The following HERC1 variants were observed in gnomAD, a reference collection of about 807,000 sequenced individuals.
HERC1 encodes probable E3 ubiquitin-protein ligase HERC1.
Under a neutral mutation model 554.3 loss-of-function variants are expected in HERC1, and 160 were observed. That is an observed-to-expected ratio of 0.29 (90% CI 0.25 to 0.33). The LOEUF is 0.33. Ranked by LOEUF, HERC1 falls within the 10% of genes least tolerant of loss-of-function variation. The pLI is 1.00. For synonymous variants in HERC1, 2,175 were observed against 2,131.7 expected, an observed-to-expected ratio of 1.02 and a Z score of -0.56; for missense variants, 4,919 against 5,918.5, an observed-to-expected ratio of 0.83 and a Z score of 5.54.
At position 63,756,335 on chromosome 15, in the gene HERC1, G is replaced by T; in HGVS notation, c.1533+102C>A. The T allele has an allele frequency of 1.1e-6, 1 of 928,050 alleles. No homozygotes were observed. Among genetic ancestry groups the T allele is most frequent in the South Asian group, 1.6e-5 (1 of 61,614 alleles). 57.5% of individuals were successfully genotyped at this position (928,050 alleles called of 1,614,324 possible). On this transcript the variant is annotated intron_variant, in intron 5 of 77. Coordinates refer to ENST00000443617, the MANE Select transcript of HERC1 (RefSeq NM_003922.4). This position sits in a 1 kb window ranked among gnomAD's most constrained non-coding sequence, Gnocchi z 5.0. The stretch of plus-strand genomic sequence containing the variant: ...ATACAAAAGATTAAGCCAAAGGGTT[G>T]AAGGGGCAACTGCAGAAAGAACACA...
chr15:63,672,790 T>C (rs2071002416), intron 38 of HERC1, 96 bp from the exon 39 acceptor site: 1 of 772,580 alleles, frequency 1.3e-6, no homozygotes. Context: ...AATTTAAAAG[T>C]TTCTAAATAT....
chr15:63,750,535 T>C (rs1027050622), intron 8 of HERC1, among the ~76,000 whole-genome samples: 2 of 152,338 alleles, frequency 1.3e-5, no homozygotes, highest in South Asian at 2.1e-4. Context: ...GGTAAGATTA[T>C]ATAGATTCTT....
At position 63,658,549 on chromosome 15, in the gene HERC1, T is replaced by C; in HGVS notation, c.9594A>G (p.Ser3198=). 2 of 1,609,250 alleles carry C rather than the reference T, an allele frequency of 1.2e-6. No homozygotes were observed. The highest frequency in any genetic ancestry group is 1.7e-6 in the Non-Finnish European group (2 of 1,176,908). ...TMVMRALSLL[S]VSGSSCSLAA... is the part of the protein sequence containing the mutation. Reference sequence around the variant, plus strand: ...TGACATAAAATAACACTTACCTGACTGAGAGAAGAGACAGCGCTCTCATGA... The same window carrying C: ...TGACATAAAATAACACTTACCTGACCGAGAGAAGAGACAGCGCTCTCATGA... Residue 3198 remains serine (S), a synonymous_variant, in exon 48 of 78, where the codon TCA becomes TCG. Coordinates refer to ENST00000443617, the MANE Select transcript of HERC1 (RefSeq NM_003922.4).
At chr15:63,804,413 C>T (rs1349493809) in intron 1 of HERC1, among the ~76,000 whole-genome samples, 1 of 151,876 alleles carries the variant, frequency 6.6e-6, no homozygotes, top group Non-Finnish European at 1.5e-5. Flanking sequence ...TGGTGAAACC[C>T]GTCTCTACTA....
Position 63,669,709 on chromosome 15 carries a change from A to G in HERC1, c.8046-11T>C, listed in dbSNP as rs1309981814. 1.2e-6 allele frequency: 2 copies of G among 1,610,556 alleles called. No individual in the cohort carries two copies. The highest frequency in any genetic ancestry group is 1.7e-6 in the Non-Finnish European group (2 of 1,177,276). ...CTAGAGAACATTTGCCTTTAAGAAA[A>G]TAACAGTGGTTAGCATAAAAATCCA... is the stretch of plus-strand genomic sequence containing the variant. On this transcript the variant is annotated splice_polypyrimidine_tract_variant and intron_variant, in intron 39 of 77. Transcript: ENST00000443617.
At chr15:63,724,909 C>A (rs905151105) in intron 18 of HERC1, among the ~76,000 whole-genome samples, 2 of 152,224 alleles carry the variant, frequency 1.3e-5, no homozygotes, top group Non-Finnish European at 1.5e-5. Flanking sequence ...CTGCCACTCA[C>A]ATCTCAGGGG....
At chr15:63,626,271 C>T in intron 70 of HERC1, 117 bp from the exon 71 acceptor site, 1 of 926,390 alleles carries the variant, frequency 1.1e-6, no homozygotes, top group Non-Finnish European at 1.6e-6. Context: ...GACACCCATT[C>T]AAACCTCTAT....
chr15:63,826,842 T>TATAA (rs1555455013), intron 1 of HERC1, among the ~76,000 whole-genome samples: 2 of 102,016 alleles, frequency 2.0e-5, no homozygotes, highest in African/African-American at 3.4e-5. Flanking sequence ...TATATATATA[T>TATAA]AAAGTATGAC....
At position 63,678,044 on chromosome 15, in the gene HERC1, G is replaced by T. The variant is rs1462733770; in HGVS notation, c.6871C>A (p.Leu2291Ile). 1.2e-6 allele frequency: 2 copies of T among 1,613,994 alleles called. No individual in the cohort carries two copies. Among genetic ancestry groups the T allele is most frequent in the South Asian group, 2.2e-5 (2 of 91,080 alleles). ...GKHTRHGLAD[L>I]SELQLRTLCI... ...AGAGTCCTCAGCTGCAGCTCTGAGA[G>T]GTCAGCGAGGCCATGCCTAGTATGT... The change falls in exon 37 of 78, where the codon CTC becomes ATC. Residue 2291 changes from leucine (L) to isoleucine (I), a missense_variant. This residue lies in a region of HERC1 where 1,963 missense variants were observed against 2,228.6 expected (regional missense o/e 0.88). Coordinates refer to ENST00000443617, the MANE Select transcript of HERC1 (RefSeq NM_003922.4).
intron 23 of HERC1, among the ~76,000 whole-genome samples, 191 bp from the exon 24 acceptor site, chr15:63,713,086 CA>C (rs1567042252): frequency 6.6e-6 from 1 of 152,220 alleles, no homozygotes; most frequent in Non-Finnish European, 1.5e-5. Flanking sequence ...AACTACAGAG[CA>C]ATGCAAGTAA....
At position 63,718,638 on chromosome 15, in the gene HERC1, C is replaced by T; in HGVS notation, c.3914G>A (p.Ser1305Asn). The T allele has an allele frequency of 6.3e-7, 1 of 1,595,096 alleles. No homozygotes were observed. Among genetic ancestry groups the T allele is most frequent in the Non-Finnish European group, 8.6e-7 (1 of 1,169,058 alleles). ...EVYRCVYKVR[S>N]RLLACKNLEL... is the part of the protein sequence containing the mutation. ...AAGGTTCTTGCAAGCAAGTAAACGA[C>T]TTCGAACTTTGTATACACAACGGTA... Residue 1305 changes from serine to asparagine, a missense_variant, in exon 21 of 78, where the codon AGT (serine) becomes AAT (asparagine). Physicochemically the swap from Ser to Asn is conservative, Grantham distance 46. This residue lies in a region of HERC1 where 1,121 missense variants were observed against 1,244.0 expected (regional missense o/e 0.90). Transcript: ENST00000443617. This position sits in a 1 kb window ranked among gnomAD's most constrained non-coding sequence, Gnocchi z 4.2.
intron 71 of HERC1, among the ~76,000 whole-genome samples, chr15:63,625,310 C>G (rs1160772552): frequency 6.6e-6 from 1 of 152,168 alleles, no homozygotes; most frequent in African/African-American, 2.4e-5. Context: ...TGTAACAACC[C>G]TGACTGTGGT....
At chr15:63,806,940 G>C (rs1567147335) in intron 1 of HERC1, among the ~76,000 whole-genome samples, 1 of 152,026 alleles carries the variant, frequency 6.6e-6, no homozygotes, top group African/African-American at 2.4e-5. Flanking sequence ...TAGAGACAGG[G>C]TTTCACCATG....
intron 2 of HERC1, among the ~76,000 whole-genome samples, chr15:63,767,555 G>C (rs76226628): frequency 1.3e-5 from 2 of 152,002 alleles, no homozygotes; most frequent in Admixed American, 1.3e-4. Flanking sequence ...AATTTTAGCC[G>C]GGCGTGGTGG....
In HERC1 at chr15:63,638,705, A is replaced by G. The variant is rs1305839581; in HGVS notation, c.11967+6T>C. ...CCATCATACAGTTATCTTCATCTTT[A>G]CTGACCTCAGGTCTGGAAGTTGCCC... On this transcript the variant is annotated splice_donor_region_variant and intron_variant, in intron 62 of 77. Coordinates refer to ENST00000443617, the MANE Select transcript of HERC1 (RefSeq NM_003922.4). The G allele has an allele frequency of 6.8e-6, 11 of 1,609,452 alleles. No homozygotes were observed. Among genetic ancestry groups the G allele is most frequent in the Non-Finnish European group, 9.4e-6 (11 of 1,175,876 alleles).
At position 63,718,856 on chromosome 15, in the gene HERC1, T is replaced by C; in HGVS notation, c.3784A>G (p.Thr1262Ala). The stretch of plus-strand genomic sequence containing the variant: ...GCTGCAAGAACAAATCTAGACACAG[T>C]GTCCAAGAGTGACTCATTACTTAAA... ...ATLSNESLLD[T>A]VSRFVLAALL... is the part of the protein sequence containing the mutation. Residue 1262 changes from threonine (T) to alanine (A), a missense_variant, in exon 20 of 78, where the codon ACT (threonine) becomes GCT (alanine). Around this residue, in one of 11 missense-constraint regions of HERC1, gnomAD observed 1,121 missense variants for 1,244.0 expected, o/e 0.90. Coordinates refer to ENST00000443617, the MANE Select transcript of HERC1 (RefSeq NM_003922.4). The surrounding 1 kb of genome is among the most constrained non-coding windows in gnomAD (Gnocchi z 4.2). 6.2e-7 allele frequency: 1 copy of C among 1,612,728 alleles called. No homozygotes were observed. Among genetic ancestry groups the C allele is most frequent in the Middle Eastern group, 1.7e-4 (1 of 6,058 alleles).
chr15:63,775,507 A>G lies in HERC1; in HGVS notation c.117T>C (p.Ser39=). The change falls in exon 2 of 78, where the codon TCT becomes TCC. Residue 39 remains serine (S), a synonymous_variant. Transcript: ENST00000443617. The surrounding 1 kb of genome is among the most constrained non-coding windows in gnomAD (Gnocchi z 4.0). The stretch of plus-strand genomic sequence containing the variant: ...CTACTTCCTTATTGCTAACCAGTTT[A>G]GAATACAGAACAGCAACTCCCTCTC... The part of the protein sequence containing the change: ...ATREGVAVLY[S]KLVSNKEVVP... The G allele has an allele frequency of 1.2e-6, 2 of 1,614,024 alleles. No homozygotes were observed. The highest frequency in any genetic ancestry group is 1.7e-6 in the Non-Finnish European group (2 of 1,179,872).
chr15:63,680,198 T>A lies in HERC1; in HGVS notation c.6466-38A>T. The A allele has an allele frequency of 6.5e-7, 1 of 1,527,256 alleles. No individual in the cohort carries two copies. Among genetic ancestry groups the A allele is most frequent in the Non-Finnish European group, 9.0e-7 (1 of 1,110,266 alleles). 94.6% of individuals were successfully genotyped at this position (1,527,256 alleles called of 1,614,324 possible). ...AGCAGTGAGGAAAAGAAAAAGGAAA[T>A]AGAAATTTTTTTAATTCACAATATC... On this transcript the variant is annotated intron_variant, in intron 35 of 77. Coordinates refer to ENST00000443617, the MANE Select transcript of HERC1 (RefSeq NM_003922.4). This position sits in a 1 kb window ranked among gnomAD's most constrained non-coding sequence, Gnocchi z 5.8.
intron 24 of HERC1, among the ~76,000 whole-genome samples, chr15:63,707,175 A>C (rs140136366): frequency 6.6e-6 from 1 of 152,354 alleles, no homozygotes; most frequent in East Asian, 1.9e-4. Context: ...AAAGCCTTGA[A>C]GTAGTGCCTT....
Sources: allele counts gnomAD v4.1 joint callset (sites outside exome capture counted in the v4.1 genomes callset), GRCh38; gene constraint gnomAD v4.1.1; regional missense constraint gnomAD v4.1.1; non-coding constraint Gnocchi (gnomAD v3.1); transcripts MANE v1.5; gene names NCBI Gene and HGNC (gene_info 2026-07-23, HGNC 2026-07-21).